The following DHRSX variants were observed in gnomAD, a reference collection of about 807,000 sequenced individuals.
DHRSX encodes the protein dehydrogenase/reductase X-linked.
Under a neutral mutation model 34.0 loss-of-function variants are expected in DHRSX, and 31 were observed. That is an observed-to-expected ratio of 0.91 (90% CI 0.69 to 1.23). The LOEUF (loss-of-function observed/expected upper bound fraction) is 1.23, where lower values mean the gene tolerates loss of function less well. Ranked by LOEUF, DHRSX falls within the 50% of genes most tolerant of loss-of-function variation. The pLI is 0.00. For missense variants in DHRSX, 414 were observed against 428.1 expected (o/e 0.97, Z 0.29); for synonymous variants, 201 against 183.8 (o/e 1.09, Z -0.76).
intron 5 of DHRSX, among the ~76,000 whole-genome samples, chrX:2,243,929 C>T (rs2016217957): frequency 1.3e-5 from 2 of 150,416 alleles, no homozygotes; most frequent in South Asian, 2.1e-4. Flanking sequence ...GTCACCACGC[C>T]CGGCTAATTT....
At chrX:2,345,058 C>G (rs954944398) in intron 3 of DHRSX, among the ~76,000 whole-genome samples, 1 of 151,700 alleles carries the variant, frequency 6.6e-6, no homozygotes, top group African/African-American at 2.4e-5. Flanking sequence ...AGTGACCTCC[C>G]TAACATACAC....
intron 6 of DHRSX, among the ~76,000 whole-genome samples, chrX:2,236,616 GA>G (rs1569477946): frequency 6.6e-6 from 1 of 152,086 alleles, no homozygotes; most frequent in Non-Finnish European, 1.5e-5. Flanking sequence ...ATTTTTAGTA[GA>G]GACGGGGTTT....
chrX:2,460,441 A>G (rs2044387095), intron 1 of DHRSX, among the ~76,000 whole-genome samples: 1 of 152,200 alleles, frequency 6.6e-6, no homozygotes, highest in South Asian at 2.1e-4. Flanking sequence ...TGGTTGAGAC[A>G]GTCGCCCAGG....
chrX:2,377,723 TTGCAGTG>T (rs1319886954), intron 3 of DHRSX, among the ~76,000 whole-genome samples: 1 of 151,356 alleles, frequency 6.6e-6, no homozygotes, highest in Non-Finnish European at 1.5e-5. Flanking sequence ...CATTTCATAA[TTGCAGTG>T]TGCACACAAT....
chrX:2,302,612 A>AAAAAAAAT (rs769857769), intron 3 of DHRSX, among the ~76,000 whole-genome samples: 1 of 149,866 alleles, frequency 6.7e-6, no homozygotes, highest in Non-Finnish European at 1.5e-5. Context: ...ACTGTCTCAA[A>AAAAAAAAT]AAATAAATAA....
intron 3 of DHRSX, among the ~76,000 whole-genome samples, chrX:2,327,421 C>A (rs1301240997): frequency 6.6e-6 from 1 of 152,194 alleles, no homozygotes; most frequent in African/African-American, 2.4e-5. Flanking sequence ...AAGAATAAAG[C>A]CAGCAGAGCT....
At chrX:2,251,170 AT>A (rs1246610271) in intron 5 of DHRSX, among the ~76,000 whole-genome samples, 5 of 152,218 alleles carry the variant, frequency 3.3e-5, no homozygotes, top group Admixed American at 6.5e-5. Context: ...CCTGTAAAAA[AT>A]AAAGGTTCCT....
At chrX:2,467,847 G>T (rs1451729815) in intron 1 of DHRSX, among the ~76,000 whole-genome samples, 3 of 151,760 alleles carry the variant, frequency 2.0e-5, no homozygotes, top group Non-Finnish European at 2.9e-5. Flanking sequence ...GGTGGTGCAT[G>T]CCCGTACTCC....
chrX:2,245,852 C>T (rs1488973001), intron 5 of DHRSX, among the ~76,000 whole-genome samples: 2 of 150,880 alleles, frequency 1.3e-5, no homozygotes, highest in Non-Finnish European at 3.0e-5. Context: ...GTCCCAGCTA[C>T]TCCGGAGGCT....
At chrX:2,490,012 G>A (rs756239774) in intron 1 of DHRSX, 28 of 1,613,862 alleles carry the variant, frequency 1.7e-5, no homozygotes, top group Admixed American at 1.7e-4. Context: ...CGGGCACCTC[G>A]AAGGTCTTCA....
chrX:2,313,854 T>C (rs1286509281), intron 3 of DHRSX, among the ~76,000 whole-genome samples: 1 of 152,052 alleles, frequency 6.6e-6, no homozygotes, highest in Non-Finnish European at 1.5e-5. Context: ...ATCAATCAAA[T>C]ACATTTCAGA....
At chrX:2,326,173 A>G (rs1377811974) in intron 3 of DHRSX, among the ~76,000 whole-genome samples, 1 of 152,190 alleles carries the variant, frequency 6.6e-6, no homozygotes, top group Non-Finnish European at 1.5e-5. Context: ...TGATGGACAC[A>G]TTTGCAGGGT....
intron 3 of DHRSX, among the ~76,000 whole-genome samples, chrX:2,318,787 G>C (rs2042271384): frequency 1.3e-5 from 2 of 152,068 alleles, no homozygotes; most frequent in African/African-American, 2.4e-5. Context: ...TGCCAATGGA[G>C]TGGCCACTCT....
intron 3 of DHRSX, among the ~76,000 whole-genome samples, chrX:2,408,232 T>C (rs940983671): frequency 3.9e-5 from 6 of 151,996 alleles, no homozygotes; most frequent in Non-Finnish European, 2.9e-5. Flanking sequence ...CATGCCACCA[T>C]GCCTGGCTAA....
In DHRSX at chrX:2,243,126, G is replaced by A; in HGVS notation, c.701C>T (p.Thr234Ile). ...CACCCCGGGGTCCACCACGTTGGCG[G>A]TCACGTGGCTTCCCTCAGCCGCCAG... ...RLLAAEGSHVTANVVDPGVVN... is the reference protein window; with the variant it reads ...RLLAAEGSHVIANVVDPGVVN... Residue 234 changes from threonine (T) to isoleucine (I), a missense_variant, in exon 6 of 7, where the codon ACC becomes ATC. Thr to Ile is a moderately conservative substitution (Grantham distance 89). Coordinates refer to ENST00000334651, the MANE Select transcript of DHRSX (RefSeq NM_145177.3). 1 of 1,613,950 alleles carries A rather than the reference G, an allele frequency of 6.2e-7. No individual in the cohort carries two copies. Among genetic ancestry groups the A allele is most frequent in the African/African-American group, 1.3e-5 (1 of 75,046 alleles).
chrX:2,378,701 G>A (rs2043169779), intron 3 of DHRSX, among the ~76,000 whole-genome samples: 2 of 151,006 alleles, frequency 1.3e-5, no homozygotes, highest in Non-Finnish European at 2.9e-5. Flanking sequence ...ACAGAGTTGT[G>A]CTCTTGTCAC....
chrX:2,265,561 C>T (rs1344698190), intron 5 of DHRSX, among the ~76,000 whole-genome samples: 8 of 130,966 alleles, frequency 6.1e-5, no homozygotes, highest in African/African-American at 8.8e-5. Flanking sequence ...CACCAGTGCT[C>T]AGCAGATGCA....
chrX:2,485,107 C>T (rs1462762775), intron 1 of DHRSX, among the ~76,000 whole-genome samples: 1 of 152,114 alleles, frequency 6.6e-6, no homozygotes, highest in South Asian at 2.1e-4. Context: ...CAGATGCAAG[C>T]GTGAAAACAA....
intron 3 of DHRSX, among the ~76,000 whole-genome samples, chrX:2,350,627 T>A (rs1349506401): frequency 6.6e-6 from 1 of 152,102 alleles, no homozygotes; most frequent in African/African-American, 2.4e-5. Context: ...TTTTGGTATA[T>A]AACATGAATC....
Sources: allele counts gnomAD v4.1 joint callset (sites outside exome capture counted in the v4.1 genomes callset), GRCh38; gene constraint gnomAD v4.1.1; transcripts MANE v1.5; gene names NCBI Gene and HGNC (gene_info 2026-07-23, HGNC 2026-07-21).